Variants in MYO7A observed in about 807,000 individuals in gnomAD.
MYO7A encodes unconventional myosin-VIIa.
In MYO7A, 210 loss-of-function variants were observed where a neutral mutation model predicts 263.8. The observed-to-expected ratio is 0.80, with a 90% CI of 0.71 to 0.89. MYO7A has a LOEUF of 0.89. Ranked by LOEUF, MYO7A falls within the 40% of genes least tolerant of loss-of-function variation. The pLI is 0.00. For missense variants in MYO7A, 2,820 were observed against 2,968.3 expected (o/e 0.95, Z 1.16); for synonymous variants, 1,239 against 1,197.3 (o/e 1.03, Z -0.72).
At chr11:77,135,454 G>T (rs1459156977) in intron 2 of MYO7A, among the ~76,000 whole-genome samples, 1 of 152,122 alleles carries the variant, frequency 6.6e-6, no homozygotes, top group African/African-American at 2.4e-5. Flanking sequence ...ACCACATATT[G>T]TTTATTCATT....
rs375644175 is a variant in MYO7A at position 77,190,749 on chromosome 11, C to T, written c.3803C>T (p.Thr1268Ile). The T allele has an allele frequency of 6.3e-7, 1 of 1,599,756 alleles. No individual in the cohort carries two copies. Among genetic ancestry groups the T allele is most frequent in the Admixed American group, 1.7e-5 (1 of 58,230 alleles). Reference sequence around the variant, plus strand: ...TTGCCCGTGACATTCATGGATGGGACCACCAAGACCCTGCTGACGGACTCG... The same window carrying T: ...TTGCCCGTGACATTCATGGATGGGATCACCAAGACCCTGCTGACGGACTCG... ...IMLPVTFMDG[T>I]TKTLLTDSAT... The change falls in exon 30 of 49, where the codon ACC becomes ATC. Residue 1268 changes from threonine (T) to isoleucine (I), a missense_variant. Physicochemically the swap from Thr to Ile is moderately conservative, Grantham distance 89. Transcript: ENST00000409709.
chr11:77,158,150 C>T lies in MYO7A; in HGVS notation c.850-127C>T, dbSNP rs568711784. 278 of 1,065,864 alleles carry T rather than the reference C, an allele frequency of 2.6e-4. No individual in the cohort carries two copies. In the Middle Eastern group the frequency reaches 4.4e-3, roughly 17 times the overall value. 66.0% of individuals were successfully genotyped at this position (1,065,864 alleles called of 1,614,324 possible). ...TGTGGTGCTCACCGGGTGAGGTCAG[C>T]GCCTGGGGCCCCGGGCTGGCCTGGC... On this transcript the variant is annotated intron_variant, in intron 8 of 48. Coordinates refer to ENST00000409709, the MANE Select transcript of MYO7A (RefSeq NM_000260.4).
In MYO7A at chr11:77,179,723, C is replaced by A; in HGVS notation, c.2368-12C>A. On this transcript the variant is annotated splice_polypyrimidine_tract_variant and intron_variant, in intron 20 of 48. Coordinates refer to ENST00000409709, the MANE Select transcript of MYO7A (RefSeq NM_000260.4). ...ACAGCAGGCTCTGAGCATGGGGTGG[C>A]TGTCCTTGCAGATGCGTCTGGGCTT... The A allele has an allele frequency of 6.6e-7, 1 of 1,523,432 alleles. No homozygotes were observed. 94.4% of individuals were successfully genotyped at this position (1,523,432 alleles called of 1,614,324 possible).
At chr11:77,167,382 A>C (rs1953650957) in intron 15 of MYO7A, among the ~76,000 whole-genome samples, 1 of 152,006 alleles carries the variant, frequency 6.6e-6, no homozygotes, top group Admixed American at 6.5e-5. Flanking sequence ...TCCTCAGATA[A>C]CCTTGCAAGG....
At position 77,138,377 on chromosome 11, in the gene MYO7A, G is replaced by T. The variant is rs934480457; in HGVS notation, c.19-4332G>T. ...CAGCCCGGCAAGTGGGCGCTGGTGCGCAGCCTGAACCAGGCGTTCAAGACC... is the reference window on the plus strand; with the variant it reads ...CAGCCCGGCAAGTGGGCGCTGGTGCTCAGCCTGAACCAGGCGTTCAAGACC... On this transcript the variant is annotated intron_variant, in intron 2 of 48. Transcript: ENST00000409709. The surrounding 1 kb of genome is among the most constrained non-coding windows in gnomAD (Gnocchi z 4.9). 1.6e-4 allele frequency among the ~76,000 whole-genome samples: 25 copies of T among 152,120 alleles called. No homozygotes were observed. The highest frequency in any genetic ancestry group is 5.8e-4 in the African/African-American group (24 of 41,524).
Position 77,157,335 on chromosome 11 carries a change from G to A in MYO7A, c.792G>A (p.Glu264=), listed in dbSNP as rs1555064127. The change falls in exon 8 of 49, where the codon GAG becomes GAA. Residue 264 remains glutamate (E), a synonymous_variant. Coordinates refer to ENST00000409709, the MANE Select transcript of MYO7A (RefSeq NM_000260.4). The part of the protein sequence containing the change: ...VFYCMLEGMS[E]DQKKKLGLGQ... ...ACTGCATGCTGGAGGGTATGAGTGA[G>A]GATCAGAAGAAGAAGCTGGGCTTGG... 1.2e-6 allele frequency: 2 copies of A among 1,612,422 alleles called. No homozygotes were observed. Among genetic ancestry groups the A allele is most frequent in the African/African-American group, 2.7e-5 (2 of 74,910 alleles).
At chr11:77,159,275 A>G (rs1474679398) in intron 9 of MYO7A, among the ~76,000 whole-genome samples, 172 bp from the exon 10 acceptor site, 8 of 152,198 alleles carry the variant, frequency 5.3e-5, no homozygotes, top group African/African-American at 1.9e-4. Context: ...TGGTGAGAAC[A>G]TTAATCAAAT....
At position 77,189,484 on chromosome 11, in the gene MYO7A, T is replaced by C. The variant is rs1565431186; in HGVS notation, c.3630+14T>C. The C allele has an allele frequency of 6.2e-7, 1 of 1,613,532 alleles. No individual in the cohort carries two copies. The highest frequency in any genetic ancestry group is 2.2e-5 in the East Asian group (1 of 44,854). ...AAGTTTGTCAAGGTAGGAAGGTGCCTGGCCTCCTGGAGTGGGAAGGGGAGC... is the reference window on the plus strand; with the variant it reads ...AAGTTTGTCAAGGTAGGAAGGTGCCCGGCCTCCTGGAGTGGGAAGGGGAGC... On this transcript the variant is annotated intron_variant, in intron 28 of 48. Coordinates refer to ENST00000409709, the MANE Select transcript of MYO7A (RefSeq NM_000260.4).
In MYO7A at chr11:77,180,383, C is replaced by G; in HGVS notation, c.2596C>G (p.Arg866Gly). 6.2e-7 allele frequency: 1 copy of G among 1,612,164 alleles called. No homozygotes were observed. Reference sequence around the variant, plus strand: ...TGCCCCCTTCCCTCAGTATCTGTGGCGCCTCGAGGCTGAGAAAATGCGGCT... The same window carrying G: ...TGCCCCCTTCCCTCAGTATCTGTGGGGCCTCGAGGCTGAGAAAATGCGGCT... ...HQRLRAEYLW[R>G]LEAEKMRLAE... Residue 866 changes from arginine (R) to glycine (G), a missense_variant, in exon 22 of 49, where the codon CGC becomes GGC. Coordinates refer to ENST00000409709, the MANE Select transcript of MYO7A (RefSeq NM_000260.4).
chr11:77,154,983 G>A (rs1952311931), intron 4 of MYO7A, among the ~76,000 whole-genome samples: 1 of 152,146 alleles, frequency 6.6e-6, no homozygotes, highest in African/African-American at 2.4e-5. Flanking sequence ...ATGGGAGGGG[G>A]AGGGCAGGTT....
chr11:77,213,236 TAACA>T (rs1300244979), intron 47 of MYO7A, among the ~76,000 whole-genome samples: 1 of 152,216 alleles, frequency 6.6e-6, no homozygotes, highest in African/African-American at 2.4e-5. Context: ...CTGAAGTTAC[TAACA>T]AACTCCTTCC....
Position 77,214,804 on chromosome 11 carries a change from A to C in MYO7A, c.*108A>C. On this transcript the variant is annotated 3_prime_UTR_variant, in exon 49 of 49. Transcript: ENST00000409709. The stretch of plus-strand genomic sequence containing the variant: ...GAAGACTTATGCCATCCCGGCAGCG[A>C]GGCTGGGCTGGCCAGCCACCACTGA... 2.1e-6 allele frequency: 2 copies of C among 950,470 alleles called. No homozygotes were observed. Among genetic ancestry groups the C allele is most frequent in the Non-Finnish European group, 3.2e-6 (2 of 631,302 alleles). The allele number at this position is 950,470 out of a possible 1,614,324, so 58.9% of individuals were successfully genotyped here.
intron 2 of MYO7A, among the ~76,000 whole-genome samples, chr11:77,137,697 G>T (rs1950959778): frequency 1.3e-5 from 2 of 152,158 alleles, no homozygotes; most frequent in Admixed American, 6.5e-5. Context: ...CATCGAGGTG[G>T]TTCAGCTGTC....
At chr11:77,163,342 A>G (rs2135316687) in intron 14 of MYO7A, among the ~76,000 whole-genome samples, 1 of 152,296 alleles carries the variant, frequency 6.6e-6, no homozygotes, top group East Asian at 1.9e-4. Flanking sequence ...TATAAGTGGA[A>G]TCATATGCTA....
chr11:77,197,823 C>T lies in MYO7A; in HGVS notation c.4441+225C>T, dbSNP rs78976598. Among the ~76,000 whole-genome samples the T allele has an allele frequency of 5.7e-4, 85 of 149,230 alleles. 1 individual carries two copies. Among genetic ancestry groups the T allele is most frequent in the African/African-American group, 2.2e-3 (84 of 38,562 alleles). On this transcript the variant is annotated intron_variant, in intron 33 of 48. Coordinates refer to ENST00000409709, the MANE Select transcript of MYO7A (RefSeq NM_000260.4). ...GGAGGGAAACGTCTTGAGCCAGGGGCCCCCGTCAGTGGACCTCTTGCCTGC... is the reference window on the plus strand; with the variant it reads ...GGAGGGAAACGTCTTGAGCCAGGGGTCCCCGTCAGTGGACCTCTTGCCTGC...
In MYO7A at chr11:77,189,957, G is replaced by A. The variant is rs1395388648; in HGVS notation, c.3631-63G>A. 30 of 1,454,174 alleles carry A rather than the reference G, an allele frequency of 2.1e-5. No individual in the cohort carries two copies. The East Asian group carries it at 2.6e-4, about 13-fold the overall frequency. The allele number at this position is 1,454,174 out of a possible 1,614,324, so 90.1% of individuals were successfully genotyped here. A position where few individuals can be genotyped will look rare whatever the true frequency, so the allele number is the denominator to read the frequency against. On this transcript the variant is annotated intron_variant, in intron 28 of 48. Transcript: ENST00000409709. ...CCTCCAAGTGCCGGGAGGGCCTGGC[G>A]GCTGCCCTCAAAATCCACATGGGGA...
At chr11:77,199,854 G>A (rs753530873) in intron 35 of MYO7A, 36 bp downstream of exon 35, 5 of 1,540,434 alleles carry the variant, frequency 3.2e-6, no homozygotes, top group Non-Finnish European at 4.4e-6. Flanking sequence ...CTGGCACTGG[G>A]GGTCAGGGTG....
Position 77,198,607 on chromosome 11 carries a change from CG to C in MYO7A, c.4555del (p.Val1519CysfsTer30), listed in dbSNP as rs876657712. The C allele has an allele frequency of 6.2e-7, 1 of 1,613,796 alleles. No homozygotes were observed. The highest frequency in any genetic ancestry group is 8.5e-7 in the Non-Finnish European group (1 of 1,179,842). ...AGCTGTCCTTCCCAGAGATCATGGC[CG>C]TGTCCAGCAGCAGGTGAGGAGGCCC... Reference protein sequence around the residue: ...LELSFPEIMAVSSSRECRVWL... With the variant: ...LELSFPEIMAXSSSRECRVWL... On this transcript the variant is annotated frameshift_variant, in exon 34 of 49. Coordinates refer to ENST00000409709, the MANE Select transcript of MYO7A (RefSeq NM_000260.4). LOFTEE classifies it high-confidence loss of function.
chr11:77,159,403 G>GCCCCCCCCCCC, intron 9 of MYO7A, 44 bp from the exon 10 acceptor site: 43 of 711,712 alleles, frequency 6.0e-5, no homozygotes, highest in South Asian at 1.2e-4. Context: ...TGCCCCTGTT[G>GCCCCCCCCCCC]CCCACCCTCC....
Sources: allele counts gnomAD v4.1 joint callset (sites outside exome capture counted in the v4.1 genomes callset), GRCh38; gene constraint gnomAD v4.1.1; non-coding constraint Gnocchi (gnomAD v3.1); transcripts MANE v1.5; gene names NCBI Gene and HGNC (gene_info 2026-07-23, HGNC 2026-07-21).